APTX: variants seen among roughly 807,000 people sequenced by gnomAD.
APTX encodes the protein aprataxin, also known as forkhead-associated domain histidine triad-like protein.
Under a neutral mutation model 42.3 loss-of-function variants are expected in APTX, and 33 were observed. The ratio of observed to expected loss-of-function variants is 0.78; its 90% CI spans 0.59 to 1.04. The LOEUF (loss-of-function observed/expected upper bound fraction) is 1.04. APTX is among the 50% of genes least tolerant of loss of function. The probability of loss-of-function intolerance (pLI) is 0.00; values close to 1 mark genes in which losing one functional copy is unlikely to be tolerated. For missense variants in APTX, 421 were observed against 415.1 expected (o/e 1.01, Z -0.12); for synonymous variants, 130 against 146.7 (o/e 0.89, Z 0.82).
intron 6 of APTX, chr9:32,979,479 T>C (rs968561714): frequency 2.0e-5 from 3 of 152,628 alleles, no homozygotes; most frequent in African/African-American, 7.2e-5. Flanking sequence ...ATGTCTTTGC[T>C]ACTGTGAATA....
At chr9:32,986,118 AATACTGT>A in intron 4 of APTX, 88 bp from the exon 5 acceptor site, 1 of 1,229,308 alleles carries the variant, frequency 8.1e-7, no homozygotes, top group South Asian at 1.2e-5. Flanking sequence ...GGCAACAGTT[AATACTGT>A]GTGATAGCAC....
At chr9:32,993,992 T>C (rs1159096942) in intron 1 of APTX, among the ~76,000 whole-genome samples, 2 of 152,178 alleles carry the variant, frequency 1.3e-5, no homozygotes, top group African/African-American at 2.4e-5. Context: ...GTGCTGGGAT[T>C]ACAGGCGTGA....
chr9:33,021,835 G>A (rs1055754605), intron 1 of APTX, among the ~76,000 whole-genome samples: 1 of 151,732 alleles, frequency 6.6e-6, no homozygotes, highest in Middle Eastern at 3.2e-3. Flanking sequence ...GTTTAAAATG[G>A]AACAATGATT....
At chr9:32,976,509 C>T (rs1461634150) in intron 6 of APTX, among the ~76,000 whole-genome samples, 1 of 152,166 alleles carries the variant, frequency 6.6e-6, no homozygotes, top group Non-Finnish European at 1.5e-5. Flanking sequence ...CTATCAACCT[C>T]CATATGAAAA....
At chr9:33,024,262 G>A (rs1289115798) in intron 1 of APTX, among the ~76,000 whole-genome samples, 1 of 152,160 alleles carries the variant, frequency 6.6e-6, no homozygotes, top group Non-Finnish European at 1.5e-5. Flanking sequence ...ATCAGCCCAC[G>A]CTGGCGTCCC....
At chr9:33,016,508 G>C (rs975516200) in intron 1 of APTX, among the ~76,000 whole-genome samples, 1 of 151,818 alleles carries the variant, frequency 6.6e-6, no homozygotes, top group African/African-American at 2.4e-5. Context: ...TCTTCCTTTA[G>C]GTTTAAAAAA....
At chr9:32,973,777 T>A in intron 7 of APTX, 125 bp from the exon 8 acceptor site, 4 of 1,303,998 alleles carry the variant, frequency 3.1e-6, no homozygotes, top group Non-Finnish European at 4.4e-6. Context: ...ATTCTACAGC[T>A]CCGTAAGCTT....
At chr9:33,004,870 G>A (rs1837024132), upstream of APTX, among the ~76,000 whole-genome samples, 1 of 151,346 alleles carries the variant, frequency 6.6e-6, no homozygotes, top group Non-Finnish European at 1.5e-5. Flanking sequence ...TCAAACTCCT[G>A]ACCTTGTGAT....
At chr9:32,981,122 CT>C (rs1830587075) in intron 6 of APTX, among the ~76,000 whole-genome samples, 1 of 152,062 alleles carries the variant, frequency 6.6e-6, no homozygotes, top group Non-Finnish European at 1.5e-5. Flanking sequence ...TACGATAAGG[CT>C]AAAAACAAAA....
intron 2 of APTX, 80 bp from the exon 3 acceptor site, chr9:32,988,209 G>A (rs1832671089): frequency 7.7e-7 from 1 of 1,305,288 alleles, no homozygotes; most frequent in African/African-American, 1.5e-5. Flanking sequence ...AAGAAAACAA[G>A]CTTCACTACA....
intron 6 of APTX, among the ~76,000 whole-genome samples, chr9:32,983,178 A>C (rs904856517): frequency 1.3e-5 from 2 of 152,104 alleles, no homozygotes; most frequent in Non-Finnish European, 2.9e-5. Flanking sequence ...CTCAAGGGGA[A>C]AAAAATAAAT....
chr9:33,001,631 G>A (rs370856819), upstream of APTX: 9 of 1,613,412 alleles, frequency 5.6e-6, no homozygotes, highest in East Asian at 2.2e-5. Context: ...CCGGCGCTGC[G>A]GGATGACGTC....
chr9:32,990,322 G>A (rs567626387), intron 1 of APTX, among the ~76,000 whole-genome samples: 6 of 152,128 alleles, frequency 3.9e-5, no homozygotes, highest in South Asian at 2.1e-4. Context: ...ACAGGCACCC[G>A]CCACCACACC....
chr9:32,988,677 T>A (rs1161615736), intron 2 of APTX, among the ~76,000 whole-genome samples: 1 of 82,404 alleles, frequency 1.2e-5, no homozygotes, highest in Non-Finnish European at 2.1e-5. Context: ...TGAGACCCTA[T>A]CTCAGGAGGA....
At chr9:32,988,208 A>C in intron 2 of APTX, 79 bp from the exon 3 acceptor site, 2 of 1,319,062 alleles carry the variant, frequency 1.5e-6, no homozygotes, top group Non-Finnish European at 2.2e-6. Context: ...AAAGAAAACA[A>C]GCTTCACTAC....
intron 1 of APTX, among the ~76,000 whole-genome samples, chr9:32,992,670 G>T (rs992838319): frequency 2.0e-5 from 3 of 152,188 alleles, no homozygotes; most frequent in African/African-American, 4.8e-5. Flanking sequence ...ACAACTGCCA[G>T]GTTTTGAGCT....
chr9:33,013,997 C>T (rs1028256579), intron 1 of APTX, among the ~76,000 whole-genome samples: 2 of 152,230 alleles, frequency 1.3e-5, no homozygotes, highest in Non-Finnish European at 2.9e-5. Flanking sequence ...CTCAACCCAA[C>T]TGCAATATCC....
At chr9:32,973,798 T>C in intron 7 of APTX, 146 bp from the exon 8 acceptor site, 1 of 1,040,008 alleles carries the variant, frequency 9.6e-7, no homozygotes. Flanking sequence ...AGTTTAGACT[T>C]CCCTCAGGCA....
At chr9:32,984,507 T>C in intron 6 of APTX, 124 bp downstream of exon 6, 1 of 982,956 alleles carries the variant, frequency 1.0e-6, no homozygotes. Flanking sequence ...CCCACCTGCT[T>C]TGGAAAAACT....
Sources: gnomAD v4.1 joint callset for allele counts (sites outside exome capture counted in the v4.1 genomes callset) on GRCh38, gnomAD v4.1.1 for gene constraint, MANE v1.5 for transcripts, NCBI Gene and HGNC (gene_info 2026-07-23, HGNC 2026-07-21) for gene names.